The following SCRIB variants were observed in gnomAD, a reference collection of about 807,000 sequenced individuals.
The protein encoded by SCRIB is scribble planar cell polarity protein, also known as protein scribble homolog.
SCRIB carries 72 observed loss-of-function variants against 170.0 expected under a neutral mutation model. The ratio of observed to expected loss-of-function variants is 0.42; its 90% CI spans 0.35 to 0.52. The LOEUF (loss-of-function observed/expected upper bound fraction) is 0.52. Ranked by LOEUF, SCRIB falls within the 20% of genes least tolerant of loss-of-function variation. The pLI, the probability that SCRIB is intolerant of heterozygous loss-of-function variation, is 0.02. For missense variants in SCRIB, 2,475 were observed against 2,338.5 expected, an observed-to-expected ratio of 1.06 and a Z score of -1.20; for synonymous variants, 1,298 against 1,044.3, an observed-to-expected ratio of 1.24 and a Z score of -4.68.
At chr8:143,798,685 A>G (rs1354534462) in intron 24 of SCRIB, among the ~76,000 whole-genome samples, 1 of 152,184 alleles carries the variant, frequency 6.6e-6, no homozygotes, top group African/African-American at 2.4e-5. Context: ...ACAATCTTAA[A>G]TGAGTTAAAT....
At chr8:143,814,176 C>T (rs1815902660) in intron 1 of SCRIB, 58 bp from the exon 2 acceptor site, 1 of 1,383,350 alleles carries the variant, frequency 7.2e-7, no homozygotes, top group Admixed American at 2.0e-5. Context: ...CAGAGAAGAG[C>T]TCCTGGACAC....
At chr8:143,800,549 C>T (rs1236444268) in intron 24 of SCRIB, among the ~76,000 whole-genome samples, 1 of 152,222 alleles carries the variant, frequency 6.6e-6, no homozygotes, top group East Asian at 1.9e-4. Flanking sequence ...GCAAGAGCCA[C>T]CGGGGGACAC....
chr8:143,798,941 G>A (rs1815058734), intron 24 of SCRIB, among the ~76,000 whole-genome samples: 2 of 152,140 alleles, frequency 1.3e-5, no homozygotes, highest in Admixed American at 6.5e-5. Flanking sequence ...GGAATGATGG[G>A]GTCATGCCAC....
At position 143,812,350 on chromosome 8, in the gene SCRIB, G is replaced by C. The variant is rs1027000449; in HGVS notation, c.822C>G (p.Asp274Glu). The C allele has an allele frequency of 3.7e-6, 6 of 1,613,624 alleles. No individual in the cohort carries two copies. In the African/African-American group the frequency reaches 6.7e-5, roughly 18 times the overall value. The change falls in exon 9 of 37, where the codon GAC becomes GAG. Residue 274 changes from aspartate (D) to glutamate (E), a missense_variant. Transcript: ENST00000356994. Reference sequence around the variant, plus strand: ...CGGTCACCTCGCACAGCCGATTCTGGTCTACCTTTAGGATGGATAGCTGCT... The same window carrying C: ...CGGTCACCTCGCACAGCCGATTCTGCTCTACCTTTAGGATGGATAGCTGCT... ...QLKQLSILKV[D>E]QNRLCEVTEA...
intron 30 of SCRIB, 27 bp from the exon 31 acceptor site, chr8:143,792,662 C>T: frequency 3.8e-6 from 6 of 1,591,166 alleles, no homozygotes; most frequent in Non-Finnish European, 5.1e-6. Context: ...TGGGTCAGGC[C>T]AGACCAGCCG....
In SCRIB at chr8:143,804,592, C is replaced by T. The variant is rs782591620; in HGVS notation, c.2985G>A (p.Ala995=). ...PSLAPSLLAA[A]LEGPYPVEEI... is the part of the protein sequence containing the mutation. ...CCTCCACTGGGTATGGCCCTTCCAA[C>T]GCGGCAGCCAGCAGGCTGGGGGCCA... The change falls in exon 21 of 37, where the codon GCG becomes GCA. Residue 995 remains alanine, a synonymous_variant. Coordinates refer to ENST00000356994, the MANE Select transcript of SCRIB (RefSeq NM_182706.5). 8 of 1,513,996 alleles carry T rather than the reference C, an allele frequency of 5.3e-6. No homozygotes were observed. Among genetic ancestry groups the T allele is most frequent in the South Asian group, 2.6e-5 (2 of 77,616 alleles). 93.8% of individuals were successfully genotyped at this position (1,513,996 alleles called of 1,614,324 possible).
In SCRIB at chr8:143,804,637, C is replaced by A. The variant is rs782115764; in HGVS notation, c.2940G>T (p.Gly980=). 2.6e-6 allele frequency: 4 copies of A among 1,537,572 alleles called. No homozygotes were observed. Among genetic ancestry groups the A allele is most frequent in the Non-Finnish European group, 3.5e-6 (4 of 1,141,630 alleles). Residue 980 remains glycine, a synonymous_variant, in exon 21 of 37, where the codon GGG becomes GGT. Transcript: ENST00000356994. ...ATTSITTATP[G]VPGLPSLAPS... is the part of the protein sequence containing the mutation. ...GGGCCAGGCTCGGCAACCCAGGCACCCCGGGGGTGGCAGTGGTTATGCTGG... is the reference window on the plus strand; with the variant it reads ...GGGCCAGGCTCGGCAACCCAGGCACACCGGGGGTGGCAGTGGTTATGCTGG...
chr8:143,814,151 G>A (rs562385156), intron 1 of SCRIB, 33 bp from the exon 2 acceptor site: 8 of 1,516,280 alleles, frequency 5.3e-6, no homozygotes, highest in Non-Finnish European at 7.2e-6. Context: ...CTCTGTGGCA[G>A]AGACCACTGC....
chr8:143,801,616 G>T (rs923894066), intron 24 of SCRIB, among the ~76,000 whole-genome samples: 6 of 152,178 alleles, frequency 3.9e-5, no homozygotes, highest in Non-Finnish European at 7.3e-5. Context: ...GAGCAACCAG[G>T]CTGCTGGACG....
At chr8:143,793,751 C>G in intron 28 of SCRIB, 149 bp downstream of exon 28, 3 of 709,168 alleles carry the variant, frequency 4.2e-6, no homozygotes, top group Non-Finnish European at 7.0e-6. Flanking sequence ...ACACAGGAGG[C>G]CCCATGGTAG....
rs748045353 is a variant in SCRIB, at chr8:143,814,038, G to A, written c.240C>T (p.Asn80=). 2 of 1,563,534 alleles carry A rather than the reference G, an allele frequency of 1.3e-6. No individual in the cohort carries two copies. ...EIQRLPPEVA[N]FMQLVELDVS... ...CGTCCAGCTCCACCAGCTGCATGAA[G>A]TTGGCCACCTCGGGAGGCAACCGCT... The change falls in exon 2 of 37, where the codon AAC becomes AAT. Residue 80 remains asparagine (N), a synonymous_variant. Coordinates refer to ENST00000356994, the MANE Select transcript of SCRIB (RefSeq NM_182706.5).
chr8:143,810,090 G>A (rs528434021), intron 13 of SCRIB, among the ~76,000 whole-genome samples: 2 of 152,132 alleles, frequency 1.3e-5, no homozygotes, highest in South Asian at 4.2e-4. Flanking sequence ...AAAACCCACA[G>A]CACGCATGTC....
intron 24 of SCRIB, among the ~76,000 whole-genome samples, chr8:143,802,691 T>C (rs1025099592): frequency 6.6e-6 from 1 of 152,178 alleles, no homozygotes; most frequent in Admixed American, 6.5e-5. Context: ...GCCCCTGGGA[T>C]GGCATGGGGA....
In SCRIB at chr8:143,804,944, C is replaced by T. The variant is rs782055004; in HGVS notation, c.2741G>A (p.Arg914His). 1.7e-5 allele frequency: 27 copies of T among 1,563,236 alleles called. No homozygotes were observed. The highest frequency in any genetic ancestry group is 4.7e-5 in the South Asian group (4 of 85,810). ...HRAGTLQVGD[R>H]VLSINGVDVT... ...CCCATCCCCACTCACAGAGAGGACG[C>T]GGTCGCCAACCTGCAGTGTGCCCGC... The change falls in exon 20 of 37, where the codon CGC becomes CAC. Residue 914 changes from arginine (R) to histidine (H), a missense_variant. Coordinates refer to ENST00000356994, the MANE Select transcript of SCRIB (RefSeq NM_182706.5).
chr8:143,815,072 G>T, intron 1 of SCRIB, 142 bp downstream of exon 1: 3 of 956,956 alleles, frequency 3.1e-6, no homozygotes, highest in African/African-American at 1.7e-5. Flanking sequence ...GAAGGGTGGG[G>T]CTGGCTGGGG....
rs141400364 is a variant in SCRIB, at chr8:143,799,197, G to C, written c.3604-3667C>G. On this transcript the variant is annotated intron_variant, in intron 24 of 36. Transcript: ENST00000356994. ...TCACATCAGGACAGAAACAGAGCTA[G>C]TGATCTCTTCTTTACAGACATATCT... Among the ~76,000 whole-genome samples the C allele has an allele frequency of 1.8e-3, 268 of 152,358 alleles. 1 individual carries two copies. Among genetic ancestry groups the C allele is most frequent in the African/African-American group, 6.0e-3 (251 of 41,576 alleles).
intron 14 of SCRIB, 96 bp downstream of exon 14, chr8:143,809,455 T>C (rs1421485417): frequency 1.2e-5 from 16 of 1,385,406 alleles, no homozygotes; most frequent in Non-Finnish European, 1.6e-5. Context: ...GCCCAGGCAC[T>C]GCCTGCACCA....
In SCRIB at chr8:143,814,164, A is replaced by G. The variant is rs1287529410; in HGVS notation, c.160-46T>C. ...GACTCTGTGGCAGAGACCACTGCAG[A>G]GCAGAGAAGAGCTCCTGGACACGTG... On this transcript the variant is annotated intron_variant, in intron 1 of 36. Transcript: ENST00000356994. 9 of 1,439,958 alleles carry G rather than the reference A, an allele frequency of 6.3e-6. No individual in the cohort carries two copies. The Admixed American group carries it at 1.4e-4, about 22-fold the overall frequency. The allele number at this position is 1,439,958 out of a possible 1,614,324, so 89.2% of individuals were successfully genotyped here. A position where few individuals can be genotyped will look rare whatever the true frequency, so the allele number is the denominator to read the frequency against.
In SCRIB at chr8:143,810,794, G is replaced by A; in HGVS notation, c.1296C>T (p.Ser432=). 6.2e-7 allele frequency: 1 copy of A among 1,602,654 alleles called. No homozygotes were observed. Among genetic ancestry groups the A allele is most frequent in the Non-Finnish European group, 8.5e-7 (1 of 1,177,118 alleles). Residue 432 remains serine, a synonymous_variant, in exon 12 of 37, where the codon AGC becomes AGT. Coordinates refer to ENST00000356994, the MANE Select transcript of SCRIB (RefSeq NM_182706.5). ...PSLEDAGQQG[S]LSETWSDAPP... is the part of the protein sequence containing the mutation. Reference sequence around the variant, plus strand: ...GGGCATCGCTCCAGGTCTCCGAGAGGCTCCCCTGCTGCCCAGCATCCTCTG... The same window carrying A: ...GGGCATCGCTCCAGGTCTCCGAGAGACTCCCCTGCTGCCCAGCATCCTCTG...
Sources: allele counts gnomAD v4.1 joint callset (sites outside exome capture counted in the v4.1 genomes callset), GRCh38; gene constraint gnomAD v4.1.1; transcripts MANE v1.5; gene names NCBI Gene and HGNC (gene_info 2026-07-23, HGNC 2026-07-21).